ERP44: variants seen among roughly 807,000 people sequenced by gnomAD.
ERP44 encodes endoplasmic reticulum resident protein 44.
In ERP44, 25 loss-of-function variants were observed where a neutral mutation model predicts 53.4. The observed-to-expected ratio is 0.47, with a 90% CI of 0.34 to 0.65. The LOEUF (loss-of-function observed/expected upper bound fraction) is 0.65. Among genes scored for constraint, ERP44 ranks in the 30% least tolerant of loss-of-function variants. ERP44 has a pLI of 0.01. For synonymous variants in ERP44, 145 were observed against 161.2 expected (o/e 0.90, Z 0.76); for missense variants, 338 against 493.2 (o/e 0.69, Z 2.98).
intron 1 of ERP44, among the ~76,000 whole-genome samples, chr9:100,086,614 T>C (rs1826486704): frequency 6.6e-6 from 1 of 152,208 alleles, no homozygotes; most frequent in Admixed American, 6.5e-5. Flanking sequence ...TCTCACAATC[T>C]TGCAGAATTA....
chr9:100,098,718 TC>T lies in ERP44; in HGVS notation c.57+65del, dbSNP rs1233145260. The T allele has an allele frequency of 3.8e-6, 5 of 1,319,734 alleles. No homozygotes were observed. The Admixed American group carries it at 8.5e-5, about 22-fold the overall frequency. The allele number at this position is 1,319,734 out of a possible 1,614,324, so 81.8% of individuals were successfully genotyped here. ...AAAGCAGGGGCAGGAGTAGCAGTGT[TC>T]CCCCTGGGCGAGGGCCGGAGGCCGT... is the stretch of plus-strand genomic sequence containing the variant. On this transcript the variant is annotated intron_variant, in intron 1 of 11. Transcript: ENST00000262455.
chr9:100,070,727 AG>A (rs1218910972), intron 1 of ERP44, among the ~76,000 whole-genome samples: 1 of 152,258 alleles, frequency 6.6e-6, no homozygotes, highest in Non-Finnish European at 1.5e-5. Flanking sequence ...CCAAGAAACT[AG>A]TGTATAAGAA....
intron 1 of ERP44, among the ~76,000 whole-genome samples, chr9:100,085,491 T>TA (rs1826469663): frequency 6.6e-6 from 1 of 152,168 alleles, no homozygotes; most frequent in African/African-American, 2.4e-5. Flanking sequence ...TGCTTTTGTG[T>TA]AAAAAAACTA....
rs148671011 is a variant in ERP44 at position 100,095,305 on chromosome 9, G to C, written c.57+3479C>G. ...ATGTGGCAAATGCTACAGGACAGAG[G>C]ATCAGTTTCCTAAACAAATTATAAG... On this transcript the variant is annotated intron_variant, in intron 1 of 11. Coordinates refer to ENST00000262455, the MANE Select transcript of ERP44 (RefSeq NM_015051.3). 2.6e-4 allele frequency among the ~76,000 whole-genome samples: 40 copies of C among 152,214 alleles called. No homozygotes were observed. In the East Asian group the frequency reaches 7.1e-3, roughly 27 times the overall value.
At chr9:99,998,452 G>T in intron 10 of ERP44, 2 of 666,030 alleles carry the variant, frequency 3.0e-6, no homozygotes, top group South Asian at 1.7e-5. Flanking sequence ...GTGCCGGACC[G>T]TCATCACACC....
At chr9:100,074,237 C>A (rs1273144984) in intron 1 of ERP44, among the ~76,000 whole-genome samples, 3 of 152,192 alleles carry the variant, frequency 2.0e-5, no homozygotes, top group African/African-American at 7.2e-5. Context: ...CAGACCAGTA[C>A]TAGTCCGCAG....
At chr9:100,068,592 C>T (rs1329513919) in intron 1 of ERP44, among the ~76,000 whole-genome samples, 1 of 146,152 alleles carries the variant, frequency 6.8e-6, no homozygotes, top group Non-Finnish European at 1.5e-5. Flanking sequence ...CCAGCCCGGC[C>T]GGCTGCCCCG....
At chr9:100,098,684 A>G in intron 1 of ERP44, 100 bp downstream of exon 1, 1 of 1,019,130 alleles carries the variant, frequency 9.8e-7, no homozygotes, top group Non-Finnish European at 1.5e-6. Context: ...CACTGCAGGA[A>G]AAGACGGAAA....
At chr9:100,043,871 T>C (rs1431991719) in intron 4 of ERP44, among the ~76,000 whole-genome samples, 4 of 152,216 alleles carry the variant, frequency 2.6e-5, no homozygotes, top group East Asian at 1.9e-4. Context: ...CTAGTGTTGT[T>C]CTACAGCACT....
intron 1 of ERP44, among the ~76,000 whole-genome samples, chr9:100,089,941 A>G (rs142744315): frequency 1.1e-4 from 17 of 152,332 alleles, no homozygotes; most frequent in Admixed American, 6.5e-4. Flanking sequence ...GTAACTCTAA[A>G]GCAAAATTAG....
chr9:100,067,398 G>C (rs1410050619), intron 1 of ERP44, among the ~76,000 whole-genome samples: 2 of 152,210 alleles, frequency 1.3e-5, no homozygotes, highest in African/African-American at 4.8e-5. Context: ...TCGCTGTGTT[G>C]GCCGGGCTGG....
intron 1 of ERP44, 27 bp from the exon 2 acceptor site, chr9:100,060,199 A>C: frequency 6.8e-7 from 1 of 1,462,884 alleles, no homozygotes; most frequent in Non-Finnish European, 9.0e-7. Flanking sequence ...TGAGAAATTA[A>C]TAAATGTGTC....
intron 5 of ERP44, 37 bp downstream of exon 5, chr9:100,022,005 G>A (rs1830595032): frequency 6.4e-7 from 1 of 1,558,940 alleles, no homozygotes; most frequent in Non-Finnish European, 8.8e-7. Context: ...CATTAATCAG[G>A]GAATGTTTGT....
intron 1 of ERP44, among the ~76,000 whole-genome samples, chr9:100,072,060 G>T (rs1018130668): frequency 2.6e-5 from 4 of 152,170 alleles, no homozygotes; most frequent in Non-Finnish European, 5.9e-5. Flanking sequence ...ATCATTAGAA[G>T]AATCTTTAAT....
chr9:100,098,694 A>C (rs1212614534), intron 1 of ERP44, 90 bp downstream of exon 1: 9 of 1,088,542 alleles, frequency 8.3e-6, no homozygotes, highest in African/African-American at 3.1e-5. Flanking sequence ...AAAGACGGAA[A>C]AGCAGGGGCA....
intron 1 of ERP44, among the ~76,000 whole-genome samples, chr9:100,071,595 C>A (rs1335476109): frequency 6.6e-6 from 1 of 151,938 alleles, no homozygotes; most frequent in Non-Finnish European, 1.5e-5. Context: ...TATATATATC[C>A]AAAGTATTAA....
chr9:100,065,077 C>T (rs1826194322), intron 1 of ERP44, among the ~76,000 whole-genome samples: 1 of 152,072 alleles, frequency 6.6e-6, no homozygotes, highest in Admixed American at 6.6e-5. Context: ...ATAACTTAGG[C>T]CTTCTCATTC....
At chr9:100,026,381 C>T (rs570898876) in intron 4 of ERP44, among the ~76,000 whole-genome samples, 4 of 152,004 alleles carry the variant, frequency 2.6e-5, no homozygotes, top group Non-Finnish European at 5.9e-5. Context: ...AAGAAAAACA[C>T]GAATTTTTAA....
At chr9:100,019,291 C>G (rs1259664412) in intron 6 of ERP44, among the ~76,000 whole-genome samples, 1 of 152,114 alleles carries the variant, frequency 6.6e-6, no homozygotes, top group Non-Finnish European at 1.5e-5. Flanking sequence ...TGCCTATAAT[C>G]CCAGCACTTT....
Sources: gnomAD v4.1 joint callset for allele counts (sites outside exome capture counted in the v4.1 genomes callset) on GRCh38, gnomAD v4.1.1 for gene constraint, MANE v1.5 for transcripts, NCBI Gene and HGNC (gene_info 2026-07-23, HGNC 2026-07-21) for gene names.